The following HPD variants were observed in gnomAD, a reference collection of about 807,000 sequenced individuals.
HPD encodes the protein 4-hydroxyphenylpyruvic acid oxidase.
A neutral mutation model predicts 56.9 loss-of-function variants in HPD; 35 were observed. The ratio of observed to expected loss-of-function variants is 0.62; its 90% CI spans 0.47 to 0.82. The LOEUF (loss-of-function observed/expected upper bound fraction) is 0.82. Ranked by LOEUF, HPD falls within the 40% of genes least tolerant of loss-of-function variation. The pLI is 0.00. For synonymous variants in HPD, 186 were observed against 200.2 expected (o/e 0.93, Z 0.60); for missense variants, 442 against 506.8 (o/e 0.87, Z 1.23).
At chr12:121,872,605 C>T in the HPD span, among the ~76,000 whole-genome samples, 37,586 of 151,666 alleles carry the variant, frequency 0.25, 5,974 homozygotes, top group Middle Eastern at 0.38. Flanking sequence ...TTCCCTGCTC[C>T]GTTCATGTCG....
At chr12:121,855,888 T>G (rs1430419356) in intron 6 of HPD, among the ~76,000 whole-genome samples, 1 of 137,116 alleles carries the variant, frequency 7.3e-6, no homozygotes. Flanking sequence ...GAGAATTGCT[T>G]GAATCCAGGA....
At chr12:121,845,894 AT>A (rs1877568426) in intron 11 of HPD, among the ~76,000 whole-genome samples, 1 of 152,090 alleles carries the variant, frequency 6.6e-6, no homozygotes, top group Non-Finnish European at 1.5e-5. Flanking sequence ...TTTAAAAAAA[AT>A]TTCTTTTTTG....
chr12:121,879,647 A>G, the HPD span, among the ~76,000 whole-genome samples: 1 of 152,146 alleles, frequency 6.6e-6, no homozygotes, highest in Non-Finnish European at 1.5e-5. Flanking sequence ...AGCTGGGACT[A>G]CAGGCAAGCA....
At chr12:121,869,648 C>G in the HPD span, among the ~76,000 whole-genome samples, 126,526 of 150,566 alleles carry the variant, frequency 0.84, 53,273 homozygotes, top group Middle Eastern at 0.91. Context: ...CCTCAGCCTC[C>G]TGAGTAGCTA....
intron 4 of HPD, 163 bp from the exon 5 acceptor site, chr12:121,856,788 T>A: frequency 1.4e-6 from 1 of 702,238 alleles, no homozygotes; most frequent in Non-Finnish European, 2.6e-6. Context: ...ACACTGGTCC[T>A]GAGGGATGGG....
the HPD span, among the ~76,000 whole-genome samples, chr12:121,874,848 G>C: frequency 6.6e-6 from 1 of 150,846 alleles, no homozygotes; most frequent in Non-Finnish European, 1.5e-5. Flanking sequence ...CGCAACCTCT[G>C]CCTCCCGGGT....
rs371512260 is a variant in HPD at position 121,840,061 on chromosome 12, CAG to C, written c.955-15_955-14del. 2.0e-5 allele frequency: 31 copies of C among 1,563,550 alleles called. No individual in the cohort carries two copies. The African/African-American group carries it at 3.9e-4, about 20-fold the overall frequency. On this transcript the variant is annotated splice_polypyrimidine_tract_variant and intron_variant, in intron 12 of 13. Coordinates refer to ENST00000289004, the MANE Select transcript of HPD (RefSeq NM_002150.3). ...GGATTTTCAGCTCCTAGGCGGGAGA[CAG>C]GGGGCTCTGCTAGGGGAGGCTGGCA... is the stretch of plus-strand genomic sequence containing the variant.
the HPD span, among the ~76,000 whole-genome samples, chr12:121,874,658 T>A: frequency 6.6e-6 from 1 of 151,818 alleles, no homozygotes; most frequent in Admixed American, 6.6e-5. Flanking sequence ...CCAAAAACAG[T>A]TCCTGCTTCC....
chr12:121,851,020 C>T (rs868268022), intron 7 of HPD, among the ~76,000 whole-genome samples: 18 of 151,996 alleles, frequency 1.2e-4, no homozygotes, highest in Admixed American at 4.6e-4. Context: ...TGCACCACCA[C>T]GTCCAGCCAA....
At chr12:121,859,715 T>C (rs1878126711), upstream of HPD, among the ~76,000 whole-genome samples, 1 of 152,220 alleles carries the variant, frequency 6.6e-6, no homozygotes, top group African/African-American at 2.4e-5. Flanking sequence ...AAGTTGGATC[T>C]CATTGCACCA....
intron 9 of HPD, 133 bp downstream of exon 9, chr12:121,848,866 A>G: frequency 1.3e-6 from 1 of 794,504 alleles, no homozygotes. Context: ...TCGGCTTCCC[A>G]GAATGCTGGG....
intron 11 of HPD, among the ~76,000 whole-genome samples, chr12:121,845,424 G>A (rs1195902838): frequency 1.4e-5 from 2 of 147,502 alleles, no homozygotes; most frequent in Non-Finnish European, 1.5e-5. Flanking sequence ...GTGAAACCCC[G>A]TCTCTACTAA....
intron 12 of HPD, among the ~76,000 whole-genome samples, chr12:121,841,288 G>A (rs1180433995): frequency 6.6e-6 from 1 of 151,964 alleles, no homozygotes; most frequent in Non-Finnish European, 1.5e-5. Flanking sequence ...AGAATTGCTT[G>A]AACCCAGGAG....
chr12:121,881,861 T>A, the HPD span, among the ~76,000 whole-genome samples: 2 of 136,744 alleles, frequency 1.5e-5, 1 homozygote, highest in East Asian at 6.1e-4. Context: ...TTGGCCAGGA[T>A]GGTCTTGATC....
At chr12:121,848,861 T>C in intron 9 of HPD, 138 bp downstream of exon 9, 1 of 774,896 alleles carries the variant, frequency 1.3e-6, no homozygotes, top group Non-Finnish European at 2.3e-6. Context: ...CCACCTCGGC[T>C]TCCCAGAATG....
At chr12:121,865,362 C>T (rs1172959466), upstream of HPD, among the ~76,000 whole-genome samples, 2 of 151,212 alleles carry the variant, frequency 1.3e-5, no homozygotes, top group East Asian at 2.1e-4. Context: ...CTCCGCCTCC[C>T]GGGTTCAACC....
the HPD span, among the ~76,000 whole-genome samples, chr12:121,878,509 C>T: frequency 9.0e-4 from 137 of 152,002 alleles, 2 homozygotes; most frequent in East Asian, 0.019. Context: ...CCACCACGCC[C>T]GGCTAATTTT....
chr12:121,858,681 G>T lies in HPD; in HGVS notation c.30+6C>A. 2 of 1,613,980 alleles carry T rather than the reference G, an allele frequency of 1.2e-6. No homozygotes were observed. Among genetic ancestry groups the T allele is most frequent in the African/African-American group, 1.3e-5 (1 of 75,038 alleles). ...CCCCTACATTTCCCACATTTCGCCTGCTTACCTTTGCCCCTTTGTCACTGT... is the reference window on the plus strand; with the variant it reads ...CCCCTACATTTCCCACATTTCGCCTTCTTACCTTTGCCCCTTTGTCACTGT... On this transcript the variant is annotated splice_donor_region_variant and intron_variant, in intron 2 of 13. Coordinates refer to ENST00000289004, the MANE Select transcript of HPD (RefSeq NM_002150.3).
upstream of HPD, among the ~76,000 whole-genome samples, chr12:121,859,579 A>G (rs1203988287): frequency 6.6e-6 from 1 of 152,162 alleles, no homozygotes; most frequent in Non-Finnish European, 1.5e-5. Flanking sequence ...ATTGCCCTCT[A>G]TACAAATGGG....
Sources: allele counts gnomAD v4.1 joint callset (sites outside exome capture counted in the v4.1 genomes callset), GRCh38; gene constraint gnomAD v4.1.1; transcripts MANE v1.5; gene names NCBI Gene and HGNC (gene_info 2026-07-23, HGNC 2026-07-21).